The following ZNF331 variants were observed in gnomAD, a reference collection of about 807,000 sequenced individuals.
The protein encoded by ZNF331 is zinc finger protein 331.
ZNF331 carries 2 observed loss-of-function variants against 7.0 expected under a neutral mutation model. The ratio of observed to expected loss-of-function variants is 0.29; its 90% confidence interval spans 0.12 to 0.90. The LOEUF is 0.90. ZNF331 is among the 40% of genes least tolerant of loss of function. ZNF331 has a pLI of 0.58. For missense variants in ZNF331, 432 were observed against 587.7 expected (o/e 0.74, Z 2.74); for synonymous variants, 196 against 205.4 (o/e 0.95, Z 0.39).
Position 53,558,255 on chromosome 19 carries a change from A to G in ZNF331, c.-74+2347A>G, listed in dbSNP as rs1177722563. ...CATATACCAGTTTATTACAAAGGAT[A>G]TTTTAAAGGATACTAATGAACAGCC... On this transcript the variant is annotated intron_variant, in intron 3 of 5. Transcript: ENST00000449416. The surrounding 1 kb of genome is among the most constrained non-coding windows in gnomAD (Gnocchi z 4.5). Among the ~76,000 whole-genome samples the G allele has an allele frequency of 6.6e-6, 1 of 152,154 alleles. No homozygotes were observed. The highest frequency in any genetic ancestry group is 1.5e-5 in the Non-Finnish European group (1 of 68,022).
chr19:53,506,444 G>GTCTC, the ZNF331 span, among the ~76,000 whole-genome samples: 254 of 86,180 alleles, frequency 2.9e-3, 1 homozygote, highest in Middle Eastern at 6.1e-3. Flanking sequence ...CTCTCTCTCT[G>GTCTC]TCTCTCTCTC....
intron 2 of ZNF331, among the ~76,000 whole-genome samples, chr19:53,540,176 T>A (rs1053314139): frequency 6.6e-6 from 1 of 152,194 alleles, no homozygotes; most frequent in African/African-American, 2.4e-5. Flanking sequence ...ACACACTCCT[T>A]AATTTATTCT....
At position 53,554,211 on chromosome 19, in the gene ZNF331, G is replaced by A. The variant is rs371937188; in HGVS notation, c.-137-1634G>A. Among the ~76,000 whole-genome samples the A allele has an allele frequency of 4.6e-4, 70 of 152,340 alleles. No homozygotes were observed. In the East Asian group the frequency reaches 9.7e-3, roughly 21 times the overall value. ...CCGCCGAGTGCGCCTGTGGCTTCGG[G>A]AGAGGCCAAAGAAGGAAGGAGTGGG... On this transcript the variant is annotated intron_variant, in intron 2 of 5. Coordinates refer to ENST00000449416, the MANE Select transcript of ZNF331 (RefSeq NM_001079906.2).
In ZNF331 at chr19:53,577,595, C is replaced by T. The variant is rs779737208; in HGVS notation, c.1035C>T (p.His345=). 6.5e-5 allele frequency: 105 copies of T among 1,611,642 alleles called. No individual in the cohort carries two copies. The South Asian group carries it at 1.1e-3, about 17-fold the overall frequency. ...GCTGGGGTTCGAGCCTCGTTAAGCA[C>T]GAGAGGATACATACGGGCGAGAAGC... The part of the protein sequence containing the change: ...AFRWGSSLVK[H]ERIHTGEKPY... The change falls in exon 6 of 6, where the codon CAC becomes CAT. Residue 345 remains histidine, a synonymous_variant. Coordinates refer to ENST00000449416, the MANE Select transcript of ZNF331 (RefSeq NM_001079906.2).
chr19:53,536,707 C>G (rs1303618317), upstream of ZNF331, among the ~76,000 whole-genome samples: 1 of 152,194 alleles, frequency 6.6e-6, no homozygotes, highest in East Asian at 1.9e-4. Context: ...CGAGTCCAGC[C>G]TGACCAACAT....
Position 53,571,856 on chromosome 19 carries a change from G to A in ZNF331, c.136+126G>A. 9.1e-6 allele frequency: 12 copies of A among 1,319,174 alleles called. No individual in the cohort carries two copies. In the South Asian group the frequency reaches 1.7e-4, roughly 19 times the overall value. 81.7% of individuals were successfully genotyped at this position (1,319,174 alleles called of 1,614,324 possible). A position where few individuals can be genotyped will look rare whatever the true frequency, so the allele number is the denominator to read the frequency against. On this transcript the variant is annotated intron_variant, in intron 5 of 5. Transcript: ENST00000449416. The surrounding 1 kb of genome is among the most constrained non-coding windows in gnomAD (Gnocchi z 4.7). Reference sequence around the variant, plus strand: ...TTCCTGTCCCCAAGGAATGTATTGAGCCTTATTGATGTGGCCGTGAGCACC... The same window carrying A: ...TTCCTGTCCCCAAGGAATGTATTGAACCTTATTGATGTGGCCGTGAGCACC...
At chr19:53,535,664 G>A (rs2087717918), upstream of ZNF331, among the ~76,000 whole-genome samples, 2 of 152,226 alleles carry the variant, frequency 1.3e-5, no homozygotes, top group South Asian at 4.1e-4. Context: ...TGATGAATAT[G>A]AAAATAGTCA....
chr19:53,518,935 C>A (rs916434331), upstream of ZNF331, among the ~76,000 whole-genome samples: 28 of 152,330 alleles, frequency 1.8e-4, no homozygotes, highest in Non-Finnish European at 3.1e-4. Context: ...CTGGGGAGGA[C>A]AGATGGTGGA....
chr19:53,505,810 C>A, the ZNF331 span, among the ~76,000 whole-genome samples: 2 of 151,444 alleles, frequency 1.3e-5, no homozygotes, highest in African/African-American at 2.4e-5. Context: ...CATGGTGAAA[C>A]CCCCTCTCTA....
chr19:53,503,787 C>T, the ZNF331 span: 4 of 699,838 alleles, frequency 5.7e-6, no homozygotes, highest in East Asian at 1.1e-4. Flanking sequence ...CCTGTGTGTT[C>T]CTCAGCTGGC....
chr19:53,576,662 C>A, intron 5 of ZNF331, 35 bp from the exon 6 acceptor site: 2 of 1,562,668 alleles, frequency 1.3e-6, no homozygotes, highest in Non-Finnish European at 8.6e-7. Flanking sequence ...ACTTGTGTCC[C>A]TCTAAAGGAA....
At chr19:53,521,321 AGTGTGTGTGAGTGTGTGTGTGTGTGTGT>A (rs1421655364) in exon 1 of ZNF331, 4 of 89,754 alleles carry the variant, frequency 4.5e-5, no homozygotes, top group African/African-American at 1.7e-4. Context: ...GGGAAGTGGG[AGTGTGTGTGAGTGTGTGTGTGTGTGTGT>A]GTGTGTGTGT....
At chr19:53,568,500 A>G (rs2090272969) in intron 3 of ZNF331, among the ~76,000 whole-genome samples, 2 of 152,206 alleles carry the variant, frequency 1.3e-5, no homozygotes, top group South Asian at 4.1e-4. Context: ...TGTCCAGGTC[A>G]GCTGATACTG....
chr19:53,503,250 C>G, the ZNF331 span: 1 of 300,932 alleles, frequency 3.3e-6, no homozygotes, highest in African/African-American at 2.2e-5. Context: ...CTCGCTGCAG[C>G]CTCAATCTCC....
the ZNF331 span, chr19:53,503,697 G>A: frequency 4.3e-6 from 3 of 703,026 alleles, no homozygotes; most frequent in Non-Finnish European, 7.8e-6. Context: ...TGCCTCCTGA[G>A]TGTCTCCCAG....
chr19:53,570,555 G>A (rs552618422), intron 4 of ZNF331, among the ~76,000 whole-genome samples: 2 of 151,738 alleles, frequency 1.3e-5, no homozygotes, highest in South Asian at 2.1e-4. Flanking sequence ...TTCTTGGGAC[G>A]GAGTTTCACT....
chr19:53,535,040 T>A (rs890521114), upstream of ZNF331, among the ~76,000 whole-genome samples: 59 of 125,564 alleles, frequency 4.7e-4, no homozygotes, highest in Non-Finnish European at 7.2e-4. Context: ...AAAAAAAAAA[T>A]TATTCCCCTA....
At position 53,571,564 on chromosome 19, in the gene ZNF331, T is replaced by G. The variant is rs752222050; in HGVS notation, c.10-40T>G. 6.2e-7 allele frequency: 1 copy of G among 1,607,024 alleles called. No individual in the cohort carries two copies. Among genetic ancestry groups the G allele is most frequent in the East Asian group, 2.2e-5 (1 of 44,834 alleles). On this transcript the variant is annotated intron_variant, in intron 4 of 5. Coordinates refer to ENST00000449416, the MANE Select transcript of ZNF331 (RefSeq NM_001079906.2). This position sits in a 1 kb window ranked among gnomAD's most constrained non-coding sequence, Gnocchi z 4.7. ...CTGTCTCCTTCATCTGGAAGCTGTT[T>G]CCTTTCATTTCATCATGCACGTGTG...
chr19:53,521,331 A>AGTGTGAGTGTGTGTGTGTGTGTGT (rs1555748068), exon 1 of ZNF331: 4 of 129,210 alleles, frequency 3.1e-5, no homozygotes, highest in African/African-American at 1.2e-4. Context: ...AGTGTGTGTG[A>AGTGTGAGTGTGTGTGTGTGTGTGT]GTGTGTGTGT....
Sources: gnomAD v4.1 joint callset for allele counts (sites outside exome capture counted in the v4.1 genomes callset) on GRCh38, gnomAD v4.1.1 for gene constraint, Gnocchi (gnomAD v3.1) non-coding constraint, MANE v1.5 for transcripts, NCBI Gene and HGNC (gene_info 2026-07-23, HGNC 2026-07-21) for gene names.